Variants in RAD52 observed in about 807,000 individuals in gnomAD.
RAD52 encodes the protein DNA repair protein RAD52 homolog.
Under a neutral mutation model 55.5 loss-of-function variants are expected in RAD52, and 47 were observed. That is an observed-to-expected ratio of 0.85 (90% CI 0.67 to 1.08). RAD52 has a LOEUF of 1.08. Among genes scored for constraint, RAD52 ranks in the 50% least tolerant of loss-of-function variants. RAD52 has a pLI of 0.00. For missense variants in RAD52, 468 were observed against 522.8 expected, an observed-to-expected ratio of 0.90 and a Z score of 1.02; for synonymous variants, 184 against 198.9, an observed-to-expected ratio of 0.92 and a Z score of 0.63.
chr12:949,994 G>T (rs1234327040), upstream of RAD52, among the ~76,000 whole-genome samples: 1 of 152,200 alleles, frequency 6.6e-6, no homozygotes, highest in Non-Finnish European at 1.5e-5. Flanking sequence ...GGTTTCGTCA[G>T]GCCTTCAGCG....
At chr12:913,742 T>G (rs1956213620) in intron 11 of RAD52, 152 bp downstream of exon 11, 1 of 777,570 alleles carries the variant, frequency 1.3e-6, no homozygotes, top group African/African-American at 1.8e-5. Context: ...TTCTGGCTCT[T>G]AAATCAATTC....
chr12:953,472 G>A (rs988235202), upstream of RAD52, among the ~76,000 whole-genome samples: 3 of 152,140 alleles, frequency 2.0e-5, no homozygotes, highest in Non-Finnish European at 2.9e-5. Context: ...AGAGCAAGCT[G>A]TCATTACTTA....
intron 1 of RAD52, among the ~76,000 whole-genome samples, chr12:954,951 G>C (rs1434634022): frequency 6.6e-6 from 1 of 152,176 alleles, no homozygotes; most frequent in Non-Finnish European, 1.5e-5. Flanking sequence ...AAAAATTACA[G>C]AGAAAGACTC....
At chr12:915,749 A>C (rs1318900016) in intron 9 of RAD52, among the ~76,000 whole-genome samples, 1 of 150,964 alleles carries the variant, frequency 6.6e-6, no homozygotes. Context: ...ACAGGGTCTC[A>C]CTCTGTTGCC....
intron 1 of RAD52, among the ~76,000 whole-genome samples, chr12:945,850 C>T (rs975685703): frequency 1.3e-5 from 2 of 151,468 alleles, no homozygotes; most frequent in East Asian, 3.9e-4. Flanking sequence ...TGGTGAAACT[C>T]CGTCTCTACT....
chr12:951,795 TTTTTG>T (rs1230682749), upstream of RAD52, among the ~76,000 whole-genome samples: 5 of 152,172 alleles, frequency 3.3e-5, no homozygotes, highest in African/African-American at 9.6e-5. Context: ...TTTTAACCTT[TTTTTG>T]TTTTAAGTAA....
In RAD52 at chr12:930,127, A is replaced by T. The variant is rs1300940610; in HGVS notation, c.204T>A (p.Gly68=). Residue 68 remains glycine, a synonymous_variant, in exon 4 of 12, where the codon GGT becomes GGA. Coordinates refer to ENST00000358495, the MANE Select transcript of RAD52 (RefSeq NM_134424.4). ...CATTGGCCAGATTAATTACCCGATGACCCTCAATGTAGCACACCTAGAAAA... is the reference window on the plus strand; with the variant it reads ...CATTGGCCAGATTAATTACCCGATGTCCCTCAATGTAGCACACCTAGAAAA... The part of the protein sequence containing the change: ...GGGQKVCYIE[G]HRVINLANEM... The T allele has an allele frequency of 6.2e-7, 1 of 1,613,780 alleles. No individual in the cohort carries two copies. Among genetic ancestry groups the T allele is most frequent in the Admixed American group, 1.7e-5 (1 of 59,998 alleles).
chr12:958,921 C>T (rs938622941), intron 1 of RAD52, among the ~76,000 whole-genome samples: 2 of 152,136 alleles, frequency 1.3e-5, no homozygotes, highest in Non-Finnish European at 2.9e-5. Flanking sequence ...CATTGTGTGT[C>T]TTTGAATTCC....
chr12:954,048 T>C (rs947175395), upstream of RAD52, among the ~76,000 whole-genome samples: 4 of 152,220 alleles, frequency 2.6e-5, no homozygotes, highest in African/African-American at 9.6e-5. Context: ...GTAATGAGTG[T>C]GAAATGTTAT....
intron 7 of RAD52, among the ~76,000 whole-genome samples, chr12:924,147 C>T (rs188506553): frequency 4.9e-4 from 74 of 152,084 alleles, no homozygotes; most frequent in Middle Eastern, 6.8e-3. Context: ...CGGGGGCTCA[C>T]GCCTGTAATC....
intron 1 of RAD52, among the ~76,000 whole-genome samples, chr12:943,373 TGTTCAGTC>T (rs1390643099): frequency 6.6e-6 from 1 of 152,174 alleles, no homozygotes; most frequent in African/African-American, 2.4e-5. Flanking sequence ...GACGAAGTCT[TGTTCAGTC>T]GCCCAGGCTG....
chr12:938,224 C>T (rs774181754), intron 1 of RAD52, among the ~76,000 whole-genome samples: 5 of 152,170 alleles, frequency 3.3e-5, no homozygotes, highest in East Asian at 1.9e-4. Context: ...TCCTGATGGA[C>T]GCACTAAGAA....
chr12:989,158 C>T (rs1378823684), intron 1 of RAD52, among the ~76,000 whole-genome samples: 2 of 152,026 alleles, frequency 1.3e-5, no homozygotes, highest in East Asian at 3.9e-4. Context: ...TTATATAGAC[C>T]TTTATTTAGT....
At chr12:957,241 T>C (rs1038090264) in intron 1 of RAD52, among the ~76,000 whole-genome samples, 5 of 152,024 alleles carry the variant, frequency 3.3e-5, no homozygotes, top group African/African-American at 9.7e-5. Context: ...GTGGATCATC[T>C]GAGGTCAGGA....
intron 7 of RAD52, among the ~76,000 whole-genome samples, chr12:918,032 G>A (rs773082774): frequency 1.6e-4 from 24 of 152,150 alleles, no homozygotes; most frequent in Non-Finnish European, 2.6e-4. Flanking sequence ...GCAATGCCAC[G>A]TGGGGTGTGA....
intron 1 of RAD52, among the ~76,000 whole-genome samples, chr12:979,928 T>C (rs1565714533): frequency 6.6e-6 from 1 of 151,990 alleles, no homozygotes; most frequent in Non-Finnish European, 1.5e-5. Flanking sequence ...GCACCTGTAG[T>C]CCCAGCTACT....
chr12:919,318 C>T (rs956866196), intron 7 of RAD52, among the ~76,000 whole-genome samples: 6 of 151,940 alleles, frequency 3.9e-5, no homozygotes, highest in South Asian at 4.2e-4. Flanking sequence ...TGGTGGCGGG[C>T]GCCTGTAATC....
chr12:987,687 A>G (rs1349596824), intron 1 of RAD52, among the ~76,000 whole-genome samples: 1 of 151,614 alleles, frequency 6.6e-6, no homozygotes, highest in Non-Finnish European at 1.5e-5. Flanking sequence ...CAGCCACCTG[A>G]GTAGCTGGGA....
At chr12:927,600 C>G (rs1433544248) in intron 5 of RAD52, among the ~76,000 whole-genome samples, 1 of 152,116 alleles carries the variant, frequency 6.6e-6, no homozygotes, top group Non-Finnish European at 1.5e-5. Flanking sequence ...GGCGTGGTGG[C>G]TCACGCTGTA....
Sources: gnomAD v4.1 joint callset for allele counts (sites outside exome capture counted in the v4.1 genomes callset) on GRCh38, gnomAD v4.1.1 for gene constraint, MANE v1.5 for transcripts, NCBI Gene and HGNC (gene_info 2026-07-23, HGNC 2026-07-21) for gene names.